Variants in TRMT9B observed in about 807,000 individuals in gnomAD.
TRMT9B encodes probable tRNA methyltransferase 9B.
TRMT9B carries 16 observed loss-of-function variants against 11.5 expected under a neutral mutation model. The observed-to-expected ratio is 1.39, with a 90% CI of 0.94 to 2.11. The LOEUF (loss-of-function observed/expected upper bound fraction) is 2.11, where lower values mean the gene tolerates loss of function less well. Among genes scored for constraint, TRMT9B ranks in the 30% most tolerant of loss-of-function variants. TRMT9B has a pLI of 0.00. For missense variants in TRMT9B, 941 were observed against 553.8 expected, an observed-to-expected ratio of 1.70 and a Z score of -7.02; for synonymous variants, 274 against 192.4, an observed-to-expected ratio of 1.42 and a Z score of -3.51.
Position 13,022,107 on chromosome 8 carries a change from G to A in TRMT9B, c.*63G>A. On this transcript the variant is annotated 3_prime_UTR_variant, in exon 5 of 5. Transcript: ENST00000524591. ...ACATTCTTTCCTCTTGGTTTGATAT[G>A]GTTACCTGAATTTGCATTCAGTGTT... is the stretch of plus-strand genomic sequence containing the variant. 8.3e-7 allele frequency: 1 copy of A among 1,205,710 alleles called. No homozygotes were observed. Among genetic ancestry groups the A allele is most frequent in the Non-Finnish European group, 1.2e-6 (1 of 867,642 alleles). 74.7% of individuals were successfully genotyped at this position (1,205,710 alleles called of 1,614,324 possible). A position where few individuals can be genotyped will look rare whatever the true frequency, so the allele number is the denominator to read the frequency against.
At position 13,021,978 on chromosome 8, in the gene TRMT9B, C is replaced by G. The variant is rs1180528443; in HGVS notation, c.1299C>G (p.Ile433Met). 1.2e-6 allele frequency: 2 copies of G among 1,613,106 alleles called. No individual in the cohort carries two copies. The highest frequency in any genetic ancestry group is 4.5e-5 in the East Asian group (2 of 44,862). ...AGGAGAATGTGTCAGAGCTCCGTAT[C>G]CTGAGTTCTGGGAATGATCATGGTA... ...LLKENVSELR[I>M]LSSGNDHGNW... The change falls in exon 5 of 5, where the codon ATC becomes ATG. Residue 433 changes from isoleucine to methionine, a missense_variant. Physicochemically the swap from Ile to Met is conservative, Grantham distance 10. Coordinates refer to ENST00000524591, the MANE Select transcript of TRMT9B (RefSeq NM_020844.3).
intron 1 of TRMT9B, chr8:12,959,921 G>T (rs975163948): frequency 6.6e-6 from 1 of 152,164 alleles, no homozygotes; most frequent in Non-Finnish European, 1.5e-5. Context: ...AGAATAGGGA[G>T]CTTCCAGGTA....
chr8:12,978,795 T>G (rs921555855), intron 1 of TRMT9B, among the ~76,000 whole-genome samples: 1 of 152,184 alleles, frequency 6.6e-6, no homozygotes, highest in African/African-American at 2.4e-5. Context: ...TAGAACTGCA[T>G]TCAGTCGCCC....
At chr8:13,014,040 G>A (rs935832241) in intron 4 of TRMT9B, among the ~76,000 whole-genome samples, 2 of 152,202 alleles carry the variant, frequency 1.3e-5, no homozygotes, top group African/African-American at 2.4e-5. Flanking sequence ...TAACAAAATT[G>A]CAGAATAAGA....
chr8:12,986,897 T>C (rs1806405500), intron 1 of TRMT9B, among the ~76,000 whole-genome samples: 1 of 152,228 alleles, frequency 6.6e-6, no homozygotes, highest in African/African-American at 2.4e-5. Context: ...TCTGCCTTCA[T>C]TGTGGACCCA....
In TRMT9B at chr8:13,012,570, G is replaced by T. The variant is rs117981597; in HGVS notation, c.155-114G>T. The T allele has an allele frequency of 5.7e-5, 76 of 1,335,486 alleles. 1 individual carries two copies. The South Asian group carries it at 8.7e-4, about 15-fold the overall frequency. 82.7% of individuals were successfully genotyped at this position (1,335,486 alleles called of 1,614,324 possible). A position where few individuals can be genotyped will look rare whatever the true frequency, so the allele number is the denominator to read the frequency against. ...AGCCTGGGTGACTGAGGGAGACTCT[G>T]TCTCAAAATAAATAAATAAATAAAA... On this transcript the variant is annotated intron_variant, in intron 3 of 4. Transcript: ENST00000524591.
Position 13,012,756 on chromosome 8 carries a change from T to C in TRMT9B, c.227T>C (p.Leu76Pro). Residue 76 changes from leucine (L) to proline (P), a missense_variant, in exon 4 of 5, where the codon CTG (leucine) becomes CCG (proline). By Grantham distance (98) the Leu-to-Pro change is moderately conservative. Transcript: ENST00000524591. ...GTGGGCTGTGACTACTGTGGGCCAC[T>C]GGTAGAGATTGCCCGGAATAGAGGA... is the stretch of plus-strand genomic sequence containing the variant. ...HTVGCDYCGPLVEIARNRGCE... is the reference protein window; with the variant it reads ...HTVGCDYCGPPVEIARNRGCE... The C allele has an allele frequency of 6.2e-7, 1 of 1,613,948 alleles. No homozygotes were observed. The highest frequency in any genetic ancestry group is 8.5e-7 in the Non-Finnish European group (1 of 1,179,876).
At chr8:12,986,895 C>A (rs1362927366) in intron 1 of TRMT9B, among the ~76,000 whole-genome samples, 2 of 152,188 alleles carry the variant, frequency 1.3e-5, no homozygotes, top group Admixed American at 6.5e-5. Flanking sequence ...TCTCTGCCTT[C>A]ATTGTGGACC....
intron 2 of TRMT9B, among the ~76,000 whole-genome samples, chr8:12,997,813 TG>T (rs1285632151): frequency 1.3e-5 from 2 of 152,218 alleles, no homozygotes; most frequent in African/African-American, 4.8e-5. Context: ...TAGCTTTAGT[TG>T]TTGCTGTCAG....
chr8:13,003,383 T>G (rs953795323), intron 2 of TRMT9B, among the ~76,000 whole-genome samples: 2 of 152,196 alleles, frequency 1.3e-5, no homozygotes, highest in Non-Finnish European at 1.5e-5. Flanking sequence ...CCTGCTCTTG[T>G]GCTTTTCTTA....
At chr8:12,993,641 C>A (rs1023126723) in intron 2 of TRMT9B, among the ~76,000 whole-genome samples, 5 of 152,202 alleles carry the variant, frequency 3.3e-5, no homozygotes, top group Non-Finnish European at 5.9e-5. Flanking sequence ...CAACTTTGAT[C>A]TTCTAGGCTG....
At chr8:12,963,099 C>T (rs540268682) in intron 1 of TRMT9B, among the ~76,000 whole-genome samples, 13 of 152,234 alleles carry the variant, frequency 8.5e-5, no homozygotes, top group Non-Finnish European at 1.5e-4. Flanking sequence ...TATATTTTTA[C>T]ATGGAGCTTT....
Position 13,011,264 on chromosome 8 carries a change from G to C in TRMT9B, c.155-1420G>C, listed in dbSNP as rs112759863. 954 of 979,540 alleles carry C rather than the reference G, an allele frequency of 9.7e-4. 10 individuals carry two copies. In the African/African-American group the frequency reaches 0.015, roughly 15 times the overall value. 60.7% of individuals were successfully genotyped at this position (979,540 alleles called of 1,614,324 possible). ...GCCTCCCAAAGTGCTAGGATTATAG[G>C]CATGAGCCACCGCGCCAGACCCCAA... On this transcript the variant is annotated intron_variant, in intron 3 of 4. Coordinates refer to ENST00000524591, the MANE Select transcript of TRMT9B (RefSeq NM_020844.3).
At chr8:13,012,245 T>C (rs983874602) in intron 3 of TRMT9B, 2 of 985,848 alleles carry the variant, frequency 2.0e-6, no homozygotes, top group Non-Finnish European at 2.4e-6. Context: ...GTGAATACCT[T>C]CACACCATGT....
chr8:12,987,788 G>A (rs1020403411), intron 1 of TRMT9B, among the ~76,000 whole-genome samples: 4 of 152,008 alleles, frequency 2.6e-5, no homozygotes, highest in Admixed American at 6.6e-5. Context: ...TACATTAGCC[G>A]ACAGCTGGGC....
intron 1 of TRMT9B, among the ~76,000 whole-genome samples, chr8:12,966,977 T>G (rs1391689346): frequency 3.9e-5 from 6 of 152,216 alleles, no homozygotes; most frequent in African/African-American, 1.4e-4. Flanking sequence ...TAGGGCTAGG[T>G]AGTACTCTAG....
At chr8:12,985,874 T>G (rs749248657) in intron 1 of TRMT9B, among the ~76,000 whole-genome samples, 12 of 152,132 alleles carry the variant, frequency 7.9e-5, no homozygotes, top group Non-Finnish European at 1.3e-4. Context: ...TAATTTAATT[T>G]TTTTGAGATG....
At chr8:13,018,199 C>T (rs555840996) in intron 4 of TRMT9B, among the ~76,000 whole-genome samples, 1 of 150,438 alleles carries the variant, frequency 6.6e-6, no homozygotes, top group South Asian at 2.1e-4. Context: ...CCCAGGAGTT[C>T]GATACCAGCC....
In TRMT9B at chr8:12,961,066, G is replaced by A. The variant is rs1400811334; in HGVS notation, c.-200+15100G>A. On this transcript the variant is annotated intron_variant, in intron 1 of 4. Coordinates refer to ENST00000524591, the MANE Select transcript of TRMT9B (RefSeq NM_020844.3). ...TGAGGCAGGAGAATCGCTTGAACCC[G>A]GGAAGTGGAGGTTGCAGTGAGCCGA... 6.6e-5 allele frequency among the ~76,000 whole-genome samples: 10 copies of A among 152,162 alleles called. No individual in the cohort carries two copies. The South Asian group carries it at 1.5e-3, about 22-fold the overall frequency.
Sources: allele counts gnomAD v4.1 joint callset (sites outside exome capture counted in the v4.1 genomes callset), GRCh38; gene constraint gnomAD v4.1.1; transcripts MANE v1.5; gene names NCBI Gene and HGNC (gene_info 2026-07-23, HGNC 2026-07-21).